The following CCDC178 variants were observed in gnomAD, a reference collection of about 807,000 sequenced individuals.
CCDC178 encodes coiled-coil domain containing 178, also known as coiled-coil domain-containing protein 178.
CCDC178 carries 126 observed loss-of-function variants against 117.4 expected under a neutral mutation model. That is an observed-to-expected ratio of 1.07 (90% CI 0.93 to 1.24). The LOEUF is 1.24. Ranked by LOEUF, CCDC178 falls within the 50% of genes most tolerant of loss-of-function variation. The probability of loss-of-function intolerance (pLI) is 0.00; values close to 1 mark genes in which losing one functional copy is unlikely to be tolerated. For synonymous variants in CCDC178, 283 were observed against 313.4 expected (o/e 0.90, Z 1.02); for missense variants, 1,030 against 986.9 (o/e 1.04, Z -0.59).
chr18:33,228,210 T>C (rs2059330872), intron 15 of CCDC178, among the ~76,000 whole-genome samples: 2 of 152,180 alleles, frequency 1.3e-5, no homozygotes, highest in South Asian at 4.1e-4. Flanking sequence ...TTAATAAAAT[T>C]AGTGAAGAAT....
At chr18:33,179,299 T>C (rs770355613) in intron 20 of CCDC178, among the ~76,000 whole-genome samples, 1 of 150,728 alleles carries the variant, frequency 6.6e-6, no homozygotes, top group Admixed American at 6.6e-5. Flanking sequence ...AGCATAAAAA[T>C]TTATCCAAAT....
At chr18:33,301,733 T>C (rs1404963737) in intron 11 of CCDC178, among the ~76,000 whole-genome samples, 2 of 152,164 alleles carry the variant, frequency 1.3e-5, no homozygotes, top group Non-Finnish European at 2.9e-5. Flanking sequence ...ATTTCTCTCT[T>C]TTGGAATAGT....
intron 14 of CCDC178, 72 bp from the exon 15 acceptor site, chr18:33,245,500 A>G: frequency 8.0e-7 from 1 of 1,255,862 alleles, no homozygotes; most frequent in Non-Finnish European, 1.0e-6. Context: ...ATAGTAAAAA[A>G]GAATAAGATC....
chr18:33,267,355 G>A, intron 12 of CCDC178, 58 bp from the exon 13 acceptor site: 48 of 948,394 alleles, frequency 5.1e-5, no homozygotes, highest in Middle Eastern at 2.3e-4. Flanking sequence ...CCTTCCATAA[G>A]GTAAAAAATA....
rs372311454 is a variant in CCDC178 at position 33,040,154 on chromosome 18, A to T, written c.2388+52607T>A. The stretch of plus-strand genomic sequence containing the variant: ...AACTCAACATAGAAAAGAATAAACA[A>T]ACAGTAGGATGATGTGAAAAATACT... On this transcript the variant is annotated intron_variant, in intron 21 of 22. Coordinates refer to ENST00000383096, the MANE Select transcript of CCDC178 (RefSeq NM_001105528.4). Among the ~76,000 whole-genome samples the T allele has an allele frequency of 1.8e-4, 27 of 152,086 alleles. 1 individual carries two copies. The highest frequency in any genetic ancestry group is 1.2e-3 in the Admixed American group (18 of 15,234).
At chr18:33,144,484 G>C (rs1289402098) in intron 20 of CCDC178, among the ~76,000 whole-genome samples, 1 of 151,932 alleles carries the variant, frequency 6.6e-6, no homozygotes, top group Non-Finnish European at 1.5e-5. Flanking sequence ...TAATATTATA[G>C]TGCTAGCAGA....
chr18:33,401,779 G>T (rs1023262952), intron 3 of CCDC178, among the ~76,000 whole-genome samples: 1 of 151,870 alleles, frequency 6.6e-6, no homozygotes, highest in African/African-American at 2.4e-5. Flanking sequence ...GACACAAAAA[G>T]AAATAATATA....
intron 22 of CCDC178, among the ~76,000 whole-genome samples, chr18:32,950,131 G>A (rs773803544): frequency 1.3e-4 from 20 of 152,232 alleles, no homozygotes; most frequent in Non-Finnish European, 2.6e-4. Context: ...AGTTTTCTTA[G>A]AAGCATTTGC....
intron 12 of CCDC178, 145 bp from the exon 13 acceptor site, chr18:33,267,442 C>A (rs1251936725): frequency 5.9e-6 from 3 of 506,882 alleles, no homozygotes; most frequent in Non-Finnish European, 1.0e-5. Context: ...AATCATAATT[C>A]ATCACATCAA....
intron 10 of CCDC178, among the ~76,000 whole-genome samples, chr18:33,328,444 T>C (rs549409307): frequency 6.6e-6 from 1 of 152,242 alleles, no homozygotes; most frequent in Non-Finnish European, 1.5e-5. Context: ...TAAGCTCTTA[T>C]ATTTATGTCT....
At chr18:33,091,419 GT>G (rs1358878746) in intron 21 of CCDC178, among the ~76,000 whole-genome samples, 4 of 126,628 alleles carry the variant, frequency 3.2e-5, no homozygotes, top group Non-Finnish European at 6.3e-5. Flanking sequence ...TCACTGCCAT[GT>G]CCGCATCCTG....
intron 20 of CCDC178, among the ~76,000 whole-genome samples, chr18:33,172,149 C>T (rs2058609043): frequency 6.6e-6 from 1 of 152,136 alleles, no homozygotes. Context: ...CCTGCCTCGG[C>T]CTCCCAAAAT....
At chr18:33,432,618 CTCTT>C (rs1375157469) in intron 2 of CCDC178, among the ~76,000 whole-genome samples, 7 of 152,090 alleles carry the variant, frequency 4.6e-5, no homozygotes, top group Non-Finnish European at 7.3e-5. Flanking sequence ...AGAAACACAT[CTCTT>C]TGAGAAACAC....
In CCDC178 at chr18:33,372,495, C is replaced by T. The variant is rs138459107; in HGVS notation, c.209-2306G>A. 1.0e-3 allele frequency among the ~76,000 whole-genome samples: 155 copies of T among 152,164 alleles called. 1 individual carries two copies. The highest frequency in any genetic ancestry group is 3.7e-3 in the East Asian group (19 of 5,174). ...TTCACCTAAAATTCCAAACATAAAT[C>T]GAGGGAGCTCCTCCTTGTGAAGCCT... On this transcript the variant is annotated intron_variant, in intron 5 of 22. Transcript: ENST00000383096.
At chr18:33,208,051 A>C (rs566966335) in intron 20 of CCDC178, among the ~76,000 whole-genome samples, 6 of 152,228 alleles carry the variant, frequency 3.9e-5, no homozygotes, top group African/African-American at 1.4e-4. Flanking sequence ...TTCAAATTAA[A>C]ATGTTCATTC....
At chr18:33,015,520 G>A (rs551003253) in intron 21 of CCDC178, among the ~76,000 whole-genome samples, 108 of 151,732 alleles carry the variant, frequency 7.1e-4, no homozygotes, top group African/African-American at 2.5e-3. Context: ...AGCCGAGATC[G>A]CACCACTGCA....
chr18:33,063,519 C>A (rs1375813762), intron 21 of CCDC178, among the ~76,000 whole-genome samples: 2 of 152,170 alleles, frequency 1.3e-5, no homozygotes, highest in Non-Finnish European at 1.5e-5. Context: ...TCCTGGGAAC[C>A]TGGAGACTGA....
chr18:33,192,135 C>A (rs987164334), intron 20 of CCDC178, among the ~76,000 whole-genome samples: 1 of 152,084 alleles, frequency 6.6e-6, no homozygotes, highest in Admixed American at 6.6e-5. Flanking sequence ...CTCCATGGAC[C>A]ATTTGTACTT....
chr18:33,031,244 T>C (rs1422641664), intron 21 of CCDC178, among the ~76,000 whole-genome samples: 1 of 151,928 alleles, frequency 6.6e-6, no homozygotes, highest in Non-Finnish European at 1.5e-5. Flanking sequence ...TTTGGAGTTT[T>C]TTTTTTTTTT....
Sources: gnomAD v4.1 joint callset for allele counts (sites outside exome capture counted in the v4.1 genomes callset) on GRCh38, gnomAD v4.1.1 for gene constraint, MANE v1.5 for transcripts, NCBI Gene and HGNC (gene_info 2026-07-23, HGNC 2026-07-21) for gene names.